The following FOXO1 variants were observed in gnomAD, a reference collection of about 807,000 sequenced individuals.
FOXO1 encodes forkhead box O1, also known as forkhead box protein O1.
Under a neutral mutation model 44.1 loss-of-function variants are expected in FOXO1, and 6 were observed. The observed-to-expected ratio is 0.14, with a 90% CI of 0.07 to 0.27. The LOEUF (loss-of-function observed/expected upper bound fraction) is 0.27. Among genes scored for constraint, FOXO1 ranks in the 10% least tolerant of loss-of-function variants. The pLI, the probability that FOXO1 is intolerant of heterozygous loss-of-function variation, is 1.00. For synonymous variants in FOXO1, 380 were observed against 362.7 expected, an observed-to-expected ratio of 1.05 and a Z score of -0.54; for missense variants, 737 against 888.8, an observed-to-expected ratio of 0.83 and a Z score of 2.17.
intron 1 of FOXO1, among the ~76,000 whole-genome samples, chr13:40,628,394 G>A (rs554744602): frequency 2.3e-4 from 29 of 125,026 alleles, no homozygotes; most frequent in African/African-American, 9.2e-4. Flanking sequence ...CACACACCCC[G>A]TGAGGGTTTC....
chr13:40,620,797 TGC>T lies in FOXO1; in HGVS notation c.630+44784_630+44785del, dbSNP rs1491267837. On this transcript the variant is annotated intron_variant, in intron 1 of 2. Transcript: ENST00000379561. ...ACTGGAAAACTACTATTCTTCCCCT[TGC>T]TTTTTTTTTTTTTTTTTGAGATGGA... Among the ~76,000 whole-genome samples, 706 of 134,706 alleles carry T rather than the reference TGC, an allele frequency of 5.2e-3. 7 individuals carry two copies. The highest frequency in any genetic ancestry group is 0.025 in the Middle Eastern group (7 of 284). 88.4% of individuals were successfully genotyped at this position (134,706 alleles called of 152,430 possible).
chr13:40,621,311 G>T, intron 1 of FOXO1: 1 of 696,040 alleles, frequency 1.4e-6, no homozygotes, highest in Non-Finnish European at 2.2e-6. Context: ...CGATCTGTCA[G>T]CAGCCTGTTT....
At chr13:40,590,752 G>T (rs1875336570) in intron 1 of FOXO1, among the ~76,000 whole-genome samples, 1 of 151,972 alleles carries the variant, frequency 6.6e-6, no homozygotes, top group Admixed American at 6.6e-5. Context: ...CTTCTGTGTG[G>T]CTTTTTTTTT....
intron 1 of FOXO1, among the ~76,000 whole-genome samples, chr13:40,576,192 A>C (rs1414253240): frequency 6.6e-6 from 1 of 152,182 alleles, no homozygotes; most frequent in African/African-American, 2.4e-5. Flanking sequence ...AAAAGAGAAG[A>C]GGTCAGTATG....
intron 1 of FOXO1, among the ~76,000 whole-genome samples, chr13:40,564,964 T>C (rs1566062518): frequency 1.3e-5 from 2 of 150,604 alleles, no homozygotes; most frequent in Admixed American, 1.3e-4. Context: ...AACCCCGACA[T>C]GGTGTAGTCG....
At chr13:40,664,045 C>CGG (rs1336954240) in intron 1 of FOXO1, among the ~76,000 whole-genome samples, 3 of 152,188 alleles carry the variant, frequency 2.0e-5, no homozygotes, top group African/African-American at 7.2e-5. Context: ...GAGGCCGAGG[C>CGG]GGGCCGATCA....
rs1190809257 is a variant in FOXO1, at chr13:40,665,904, G to GGTGGCGGCC, written c.300_308dup (p.Ala101_Thr103dup). On this transcript the variant is annotated inframe_insertion, in exon 1 of 3. Coordinates refer to ENST00000379561, the MANE Select transcript of FOXO1 (RefSeq NM_002015.4). Reference sequence around the variant, plus strand: ...CCTGGAAGTCCCCGCACAGCCCCCCGGTGGCGGCCGCGGCGGCCGCCGCCG... The same window carrying GGTGGCGGCC: ...CCTGGAAGTCCCCGCACAGCCCCCCGGTGGCGGCCGTGGCGGCCGCGGCGGCCGCCGCCG... 7 of 1,177,222 alleles carry GGTGGCGGCC rather than the reference G, an allele frequency of 5.9e-6. No homozygotes were observed. The highest frequency in any genetic ancestry group is 7.3e-6 in the Non-Finnish European group (7 of 956,282). The allele number at this position is 1,177,222 out of a possible 1,614,324, so 72.9% of individuals were successfully genotyped here. A position where few individuals can be genotyped will look rare whatever the true frequency, so the allele number is the denominator to read the frequency against.
chr13:40,579,879 G>A (rs1319457661), intron 1 of FOXO1, among the ~76,000 whole-genome samples: 1 of 152,178 alleles, frequency 6.6e-6, no homozygotes, highest in Non-Finnish European at 1.5e-5. Context: ...TACAACACCT[G>A]ACAGTGAACA....
At chr13:40,662,095 T>C (rs1878053260) in intron 1 of FOXO1, among the ~76,000 whole-genome samples, 1 of 132,976 alleles carries the variant, frequency 7.5e-6, no homozygotes, top group South Asian at 2.3e-4. Context: ...TGCTTGAACC[T>C]GGGAGGCGGA....
intron 1 of FOXO1, among the ~76,000 whole-genome samples, chr13:40,647,816 G>T (rs544471442): frequency 1.3e-5 from 2 of 152,194 alleles, no homozygotes; most frequent in African/African-American, 4.8e-5. Context: ...ATCCTTCACT[G>T]GCTGGAACAC....
rs548020607 is a variant in FOXO1 at position 40,605,415 on chromosome 13, C to T, written c.631-44555G>A. Among the ~76,000 whole-genome samples the T allele has an allele frequency of 3.3e-5, 5 of 152,076 alleles. No individual in the cohort carries two copies. In the South Asian group the frequency reaches 6.2e-4, roughly 19 times the overall value. The stretch of plus-strand genomic sequence containing the variant: ...TAAAACTTTAACCTAACAGTATTAC[C>T]GTCAGCATTACACACACACATTTCC... On this transcript the variant is annotated intron_variant, in intron 1 of 2. Coordinates refer to ENST00000379561, the MANE Select transcript of FOXO1 (RefSeq NM_002015.4).
In FOXO1 at chr13:40,557,952, TAA is replaced by T. The variant is rs1246301532; in HGVS notation, c.*1095_*1096del. 2 of 152,492 alleles carry T rather than the reference TAA, an allele frequency of 1.3e-5. No individual in the cohort carries two copies. The highest frequency in any genetic ancestry group is 2.1e-4 in the South Asian group (1 of 4,830). 9.4% of individuals were successfully genotyped at this position (152,492 alleles called of 1,614,324 possible). On this transcript the variant is annotated 3_prime_UTR_variant, in exon 3 of 3. Transcript: ENST00000379561. ...TTAAAATACATACATAAAAACATATTAAGTTATCCTAAATAAGAAACGCAAAG... is the reference window on the plus strand; with the variant it reads ...TTAAAATACATACATAAAAACATATTGTTATCCTAAATAAGAAACGCAAAG...
intron 1 of FOXO1, among the ~76,000 whole-genome samples, chr13:40,626,813 A>G (rs535129619): frequency 6.6e-6 from 1 of 152,316 alleles, no homozygotes; most frequent in South Asian, 2.1e-4. Context: ...GAGAACAAAC[A>G]TTCCTCCATC....
chr13:40,610,737 T>C lies in FOXO1; in HGVS notation c.631-49877A>G, dbSNP rs143307039. Among the ~76,000 whole-genome samples the C allele has an allele frequency of 1.6e-4, 24 of 152,346 alleles. No individual in the cohort carries two copies. The East Asian group carries it at 1.7e-3, about 11-fold the overall frequency. On this transcript the variant is annotated intron_variant, in intron 1 of 2. Coordinates refer to ENST00000379561, the MANE Select transcript of FOXO1 (RefSeq NM_002015.4). ...TAAAAAGAAAAAGCATGTTTCAATA[T>C]AGGCTATAAAAACAATAGCTCACAA...
rs769354575 is a variant in FOXO1 at position 40,559,534 on chromosome 13, C to G, written c.1957G>C (p.Val653Leu). 2.5e-6 allele frequency: 4 copies of G among 1,595,488 alleles called. No individual in the cohort carries two copies. The change falls in exon 2 of 3, where the codon GTG becomes CTG. Residue 653 changes from valine (V) to leucine (L), a missense_variant. Val to Leu is a conservative substitution (Grantham distance 32, BLOSUM62 1). Around this residue, in one of 7 missense-constraint regions of FOXO1, gnomAD observed 45 missense variants for 78.3 expected, o/e 0.57. Transcript: ENST00000379561. ...CTGCTCACTAACCCTCAGCCTGACA[C>G]CCAGCTATGTGTCGTTGTCTTGACA... ...HSVKTTTHSWVSG is the reference protein window; with the variant it reads ...HSVKTTTHSWLSG
chr13:40,617,117 T>C (rs1344369143), intron 1 of FOXO1, among the ~76,000 whole-genome samples: 1 of 152,132 alleles, frequency 6.6e-6, no homozygotes, highest in Non-Finnish European at 1.5e-5. Context: ...AGAAGAGAAA[T>C]GACAGTTTAG....
chr13:40,650,212 G>T (rs181665467), intron 1 of FOXO1, among the ~76,000 whole-genome samples: 3 of 152,290 alleles, frequency 2.0e-5, no homozygotes, highest in Admixed American at 1.3e-4. Context: ...TGGGGCTTGT[G>T]GGAGTGTGGC....
At chr13:40,581,449 T>C (rs774688945) in intron 1 of FOXO1, among the ~76,000 whole-genome samples, 3 of 152,246 alleles carry the variant, frequency 2.0e-5, no homozygotes, top group Non-Finnish European at 4.4e-5. Flanking sequence ...TCCTGTTTTA[T>C]GCTACAAATC....
chr13:40,641,097 T>C (rs1877336080), intron 1 of FOXO1, among the ~76,000 whole-genome samples: 1 of 152,170 alleles, frequency 6.6e-6, no homozygotes, highest in South Asian at 2.1e-4. Context: ...GTTTGTTATT[T>C]CTATGTGCCA....
Sources: allele counts gnomAD v4.1 joint callset (sites outside exome capture counted in the v4.1 genomes callset), GRCh38; gene constraint gnomAD v4.1.1; regional missense constraint gnomAD v4.1.1; transcripts MANE v1.5; gene names NCBI Gene and HGNC (gene_info 2026-07-23, HGNC 2026-07-21).